WASF2: variants seen among roughly 807,000 people sequenced by gnomAD.
WASF2 encodes the protein WASP family member 2.
In WASF2, 14 loss-of-function variants were observed where a neutral mutation model predicts 45.0. The observed-to-expected ratio is 0.31, with a 90% CI of 0.21 to 0.49. The LOEUF (loss-of-function observed/expected upper bound fraction) is 0.49. Ranked by LOEUF, WASF2 falls within the 20% of genes least tolerant of loss-of-function variation. The probability of loss-of-function intolerance (pLI) is 0.99; values close to 1 mark genes in which losing one functional copy is unlikely to be tolerated. For synonymous variants in WASF2, 200 were observed against 236.3 expected (o/e 0.85, Z 1.41); for missense variants, 439 against 636.1 (o/e 0.69, Z 3.33).
At chr1:27,455,869 A>C (rs1278633306) in intron 1 of WASF2, among the ~76,000 whole-genome samples, 2 of 152,140 alleles carry the variant, frequency 1.3e-5, no homozygotes, top group Admixed American at 6.5e-5. Flanking sequence ...CCCATATTAC[A>C]GTTGGAACAC....
intron 1 of WASF2, among the ~76,000 whole-genome samples, chr1:27,487,598 A>T (rs867841492): frequency 3.7e-4 from 36 of 98,618 alleles, no homozygotes; most frequent in Non-Finnish European, 5.7e-4. Context: ...ATTTTATATA[A>T]TATATAATAT....
chr1:27,489,885 C>CCGG (rs771889373), intron 1 of WASF2, 101 bp downstream of exon 1: 4 of 152,376 alleles, frequency 2.6e-5, no homozygotes, highest in Non-Finnish European at 4.4e-5. Context: ...AGTAGGAGTC[C>CCGG]CGGCACCCAG....
At chr1:27,425,921 G>A (rs940100355) in intron 2 of WASF2, among the ~76,000 whole-genome samples, 2 of 151,426 alleles carry the variant, frequency 1.3e-5, no homozygotes, top group Non-Finnish European at 2.9e-5. Flanking sequence ...GCTCAGGCAG[G>A]AGAATCACTT....
chr1:27,456,812 T>C (rs1407390351), intron 1 of WASF2, among the ~76,000 whole-genome samples: 1 of 150,960 alleles, frequency 6.6e-6, no homozygotes, highest in Non-Finnish European at 1.5e-5. Flanking sequence ...TCAGCTCCAC[T>C]GCAACCTCCG....
intron 1 of WASF2, among the ~76,000 whole-genome samples, chr1:27,443,709 T>C (rs1163943565): frequency 6.6e-6 from 1 of 152,162 alleles, no homozygotes; most frequent in Non-Finnish European, 1.5e-5. Flanking sequence ...TATATGACCT[T>C]AGGGTAGTTA....
chr1:27,427,007 T>C (rs1333346555), intron 2 of WASF2, among the ~76,000 whole-genome samples: 1 of 152,190 alleles, frequency 6.6e-6, no homozygotes, highest in African/African-American at 2.4e-5. Flanking sequence ...TAGGAATTAT[T>C]TATTTCTGCC....
chr1:27,455,912 T>A (rs2017460304), intron 1 of WASF2, among the ~76,000 whole-genome samples: 1 of 152,184 alleles, frequency 6.6e-6, no homozygotes, highest in African/African-American at 2.4e-5. Flanking sequence ...GAAGGTACTA[T>A]CTTTTAAATC....
At chr1:27,409,170 A>G (rs2016721844) in intron 8 of WASF2, among the ~76,000 whole-genome samples, 3 of 151,900 alleles carry the variant, frequency 2.0e-5, no homozygotes, top group Non-Finnish European at 4.4e-5. Context: ...CACGCCTGTA[A>G]TCCCAGCACT....
At chr1:27,479,277 C>A (rs959753422) in intron 1 of WASF2, among the ~76,000 whole-genome samples, 1 of 145,602 alleles carries the variant, frequency 6.9e-6, no homozygotes, top group African/African-American at 2.7e-5. Flanking sequence ...CAGAGTGAGA[C>A]TCCATCTCAA....
chr1:27,449,637 C>A (rs2017356858), intron 1 of WASF2, among the ~76,000 whole-genome samples: 1 of 151,714 alleles, frequency 6.6e-6, no homozygotes, highest in African/African-American at 2.4e-5. Context: ...ATGAATGAAG[C>A]CATAGTTGCT....
rs562457465 is a variant in WASF2 at position 27,437,614 on chromosome 1, A to G, written c.-43-8681T>C. Among the ~76,000 whole-genome samples the G allele has an allele frequency of 4.3e-4, 65 of 152,278 alleles. 1 individual carries two copies. The highest frequency in any genetic ancestry group is 1.5e-3 in the African/African-American group (62 of 41,552). On this transcript the variant is annotated intron_variant, in intron 1 of 8. Transcript: ENST00000618852. ...TGACTTTCAGTTACAGACAAAGTTCATTTTACTTTCCCAATCTAATGCCAA... is the reference window on the plus strand; with the variant it reads ...TGACTTTCAGTTACAGACAAAGTTCGTTTTACTTTCCCAATCTAATGCCAA...
chr1:27,428,540 A>AG (rs2017017718), intron 2 of WASF2, among the ~76,000 whole-genome samples: 2 of 151,600 alleles, frequency 1.3e-5, no homozygotes, highest in Non-Finnish European at 2.9e-5. Flanking sequence ...GTGGAGGGGG[A>AG]GGGAGGAGGG....
At chr1:27,422,909 C>T (rs889566446) in intron 2 of WASF2, among the ~76,000 whole-genome samples, 4 of 152,036 alleles carry the variant, frequency 2.6e-5, no homozygotes, top group African/African-American at 4.8e-5. Context: ...GAGGCCGAGG[C>T]GGGTGGATCA....
At chr1:27,489,202 G>T (rs893127546) in intron 1 of WASF2, among the ~76,000 whole-genome samples, 1 of 151,378 alleles carries the variant, frequency 6.6e-6, no homozygotes, top group African/African-American at 2.4e-5. Context: ...CCTTGGAACA[G>T]CCCCTTTAGA....
intron 2 of WASF2, among the ~76,000 whole-genome samples, chr1:27,420,904 T>C (rs2016900162): frequency 6.6e-6 from 1 of 152,154 alleles, no homozygotes; most frequent in Admixed American, 6.5e-5. Context: ...TTGAGAACTA[T>C]TTAAAGTAGG....
rs949862642 is a variant in WASF2, at chr1:27,467,237, A to AAC, written c.-44+22747_-44+22748dup. Among the ~76,000 whole-genome samples, 404 of 148,368 alleles carry AAC rather than the reference A, an allele frequency of 2.7e-3. 1 individual carries two copies. Among genetic ancestry groups the AAC allele is most frequent in the Middle Eastern group, 0.01 (3 of 286 alleles). On this transcript the variant is annotated intron_variant, in intron 1 of 8. Coordinates refer to ENST00000618852, the MANE Select transcript of WASF2 (RefSeq NM_006990.5). ...TCTCAAAAAAAAAAAAAAAAACCAA[A>AAC]ACACACACACACACACACAAAGAAA...
chr1:27,487,597 A>T (rs2017955514), intron 1 of WASF2, among the ~76,000 whole-genome samples: 1 of 98,882 alleles, frequency 1.0e-5, no homozygotes, highest in African/African-American at 4.3e-5. Context: ...TATTTTATAT[A>T]ATATATAATA....
At chr1:27,442,725 G>T (rs957118172) in intron 1 of WASF2, among the ~76,000 whole-genome samples, 1 of 151,408 alleles carries the variant, frequency 6.6e-6, no homozygotes, top group Non-Finnish European at 1.5e-5. Context: ...CCAAAGGGCC[G>T]GGCGTGGTGG....
intron 1 of WASF2, among the ~76,000 whole-genome samples, chr1:27,443,862 C>T (rs1249884226): frequency 1.3e-5 from 2 of 151,946 alleles, no homozygotes; most frequent in Admixed American, 6.6e-5. Flanking sequence ...CTCACTGCAA[C>T]CTCCACCTTC....
Sources: gnomAD v4.1 joint callset for allele counts (sites outside exome capture counted in the v4.1 genomes callset) on GRCh38, gnomAD v4.1.1 for gene constraint, MANE v1.5 for transcripts, NCBI Gene and HGNC (gene_info 2026-07-23, HGNC 2026-07-21) for gene names.